The following BICD2 variants were observed in gnomAD, a reference collection of about 807,000 sequenced individuals.
BICD2 encodes the protein BICD cargo adaptor 2, also known as protein bicaudal D homolog 2.
A neutral mutation model predicts 72.9 loss-of-function variants in BICD2; 25 were observed. That is an observed-to-expected ratio of 0.34 (90% CI 0.25 to 0.48). The LOEUF (loss-of-function observed/expected upper bound fraction) is 0.48. Ranked by LOEUF, BICD2 falls within the 20% of genes least tolerant of loss-of-function variation. The pLI is 0.99. For missense variants in BICD2, 894 were observed against 1,175.2 expected, an observed-to-expected ratio of 0.76 and a Z score of 3.50; for synonymous variants, 501 against 516.1, an observed-to-expected ratio of 0.97 and a Z score of 0.40.
chr9:92,729,019 C>T lies in BICD2; in HGVS notation c.453+5G>A, dbSNP rs1853624977. ...CACAGACTAGGCCCCTCCTCACCCC[C>T]TCACCTCCTTCAGCTCCTGGGCCAC... On this transcript the variant is annotated splice_donor_5th_base_variant and intron_variant, in intron 2 of 6. Coordinates refer to ENST00000356884, the MANE Select transcript of BICD2 (RefSeq NM_001003800.2). 1 of 1,613,416 alleles carries T rather than the reference C, an allele frequency of 6.2e-7. No individual in the cohort carries two copies. The highest frequency in any genetic ancestry group is 1.3e-5 in the African/African-American group (1 of 74,922).
At chr9:92,733,733 C>T (rs1276446078) in intron 1 of BICD2, among the ~76,000 whole-genome samples, 2 of 151,968 alleles carry the variant, frequency 1.3e-5, no homozygotes, top group South Asian at 2.1e-4. Context: ...TTCGGGAGGC[C>T]GAGGCGGGCA....
chr9:92,751,339 C>T (rs893460502), intron 1 of BICD2, among the ~76,000 whole-genome samples: 2 of 151,860 alleles, frequency 1.3e-5, no homozygotes, highest in African/African-American at 2.4e-5. Flanking sequence ...TTAGTAGAGA[C>T]GGGTTTTCGT....
chr9:92,739,832 A>C (rs1056462773), intron 1 of BICD2, among the ~76,000 whole-genome samples: 5 of 152,140 alleles, frequency 3.3e-5, no homozygotes, highest in African/African-American at 7.2e-5. Context: ...AGGACAGGAG[A>C]GGACCTGGAG....
At chr9:92,718,086 G>C in intron 5 of BICD2, 138 bp from the exon 6 acceptor site, 1 of 1,081,912 alleles carries the variant, frequency 9.2e-7, no homozygotes, top group Non-Finnish European at 1.3e-6. Flanking sequence ...CCCTCCCTGT[G>C]ACAAACCCTG....
intron 1 of BICD2, among the ~76,000 whole-genome samples, chr9:92,751,397 G>A (rs1302367789): frequency 6.6e-6 from 1 of 152,066 alleles, no homozygotes; most frequent in African/African-American, 2.4e-5. Flanking sequence ...ATCCTCCTTG[G>A]CCTCCCAAAG....
Position 92,714,452 on chromosome 9 carries a change from T to C in BICD2, c.*702A>G, listed in dbSNP as rs954189104. On this transcript the variant is annotated 3_prime_UTR_variant, in exon 7 of 7. Coordinates refer to ENST00000356884, the MANE Select transcript of BICD2 (RefSeq NM_001003800.2). ...CAATCTGTCACCTCACAGGCCACTA[T>C]ACAAGCATCCTGATCTCAGAAATGA... The C allele has an allele frequency of 1.0e-6, 1 of 985,362 alleles. No individual in the cohort carries two copies. Among genetic ancestry groups the C allele is most frequent in the African/African-American group, 1.7e-5 (1 of 57,256 alleles). 61.0% of individuals were successfully genotyped at this position (985,362 alleles called of 1,614,324 possible). A position where few individuals can be genotyped will look rare whatever the true frequency, so the allele number is the denominator to read the frequency against.
chr9:92,722,744 C>T lies in BICD2; in HGVS notation c.518G>A (p.Arg173Gln), dbSNP rs774714446. The T allele has an allele frequency of 8.1e-6, 13 of 1,614,230 alleles. No individual in the cohort carries two copies. Among genetic ancestry groups the T allele is most frequent in the Admixed American group, 1.7e-5 (1 of 60,034 alleles). ...GTAGTCCTGCAGCAGACGAGCTTCC[C>T]GGAATTTGTACTCCTTGATGTCATC... ...LRDDIKEYKF[R>Q]EARLLQDYSE... The change falls in exon 3 of 7, where the codon CGG (arginine) becomes CAG (glutamine). Residue 173 changes from arginine (R) to glutamine (Q), a missense_variant. This residue lies in a region of BICD2 where 192 missense variants were observed against 243.6 expected (regional missense o/e 0.79). Coordinates refer to ENST00000356884, the MANE Select transcript of BICD2 (RefSeq NM_001003800.2).
rs1320479693 is a variant in BICD2 at position 92,714,843 on chromosome 9, G to A, written c.*311C>T. 5.4e-6 allele frequency: 6 copies of A among 1,110,800 alleles called. No homozygotes were observed. Among genetic ancestry groups the A allele is most frequent in the East Asian group, 5.6e-5 (1 of 17,808 alleles). The allele number at this position is 1,110,800 out of a possible 1,614,324, so 68.8% of individuals were successfully genotyped here. ...GGACTCCTCCCTTGGGTTTCCCCACGGGTGCGCAGGGCTTAGAAGATGCTT... is the reference window on the plus strand; with the variant it reads ...GGACTCCTCCCTTGGGTTTCCCCACAGGTGCGCAGGGCTTAGAAGATGCTT... On this transcript the variant is annotated 3_prime_UTR_variant, in exon 7 of 7. Coordinates refer to ENST00000356884, the MANE Select transcript of BICD2 (RefSeq NM_001003800.2).
intron 6 of BICD2, among the ~76,000 whole-genome samples, chr9:92,716,684 G>A (rs1853321037): frequency 6.6e-6 from 1 of 152,236 alleles, no homozygotes; most frequent in East Asian, 1.9e-4. Flanking sequence ...AGCAGGTGGC[G>A]CTACCCATCT....
intron 5 of BICD2, among the ~76,000 whole-genome samples, chr9:92,718,226 T>A (rs1853363624): frequency 6.6e-6 from 1 of 152,208 alleles, no homozygotes; most frequent in African/African-American, 2.4e-5. Context: ...CAGCTCAGAC[T>A]ATGGCTCTCA....
intron 1 of BICD2, among the ~76,000 whole-genome samples, chr9:92,747,170 C>A (rs961581123): frequency 6.6e-6 from 1 of 152,162 alleles, no homozygotes; most frequent in Non-Finnish European, 1.5e-5. Context: ...TGGTGGGTCC[C>A]CAGTAGGCCA....
At chr9:92,751,067 A>T (rs1189473736) in intron 1 of BICD2, among the ~76,000 whole-genome samples, 1 of 151,360 alleles carries the variant, frequency 6.6e-6, no homozygotes, top group Non-Finnish European at 1.5e-5. Context: ...CACACCACCA[A>T]GCCTGGCTAA....
chr9:92,723,238 T>C (rs937643557), intron 2 of BICD2, among the ~76,000 whole-genome samples: 16 of 152,190 alleles, frequency 1.1e-4, no homozygotes, highest in Non-Finnish European at 2.1e-4. Flanking sequence ...AATGTACACA[T>C]GCCCACACAG....
intron 2 of BICD2, 107 bp from the exon 3 acceptor site, chr9:92,722,915 G>A: frequency 7.1e-7 from 1 of 1,404,282 alleles, no homozygotes; most frequent in Non-Finnish European, 9.8e-7. Context: ...GAACTCAAGA[G>A]CCCTGGCCTG....
intron 1 of BICD2, among the ~76,000 whole-genome samples, chr9:92,741,727 C>G (rs781065287): frequency 2.6e-5 from 4 of 151,926 alleles, no homozygotes; most frequent in Non-Finnish European, 5.9e-5. Flanking sequence ...TTTGAGTTAC[C>G]CACTCTCCCC....
At chr9:92,755,357 A>C (rs1854234447) in intron 1 of BICD2, among the ~76,000 whole-genome samples, 1 of 152,160 alleles carries the variant, frequency 6.6e-6, no homozygotes, top group South Asian at 2.1e-4. Flanking sequence ...TGGTCCTGTG[A>C]TCTTGCCCTG....
At chr9:92,718,466 G>C in intron 5 of BICD2, 73 bp downstream of exon 5, 1 of 1,523,546 alleles carries the variant, frequency 6.6e-7, no homozygotes, top group Non-Finnish European at 8.8e-7. Flanking sequence ...GGCAGGGGGA[G>C]GAAGGAGGCC....
At position 92,722,745 on chromosome 9, in the gene BICD2, G is replaced by A. The variant is rs759594542; in HGVS notation, c.517C>T (p.Arg173Trp). The A allele has an allele frequency of 2.5e-6, 4 of 1,614,052 alleles. No homozygotes were observed. The highest frequency in any genetic ancestry group is 1.7e-6 in the Non-Finnish European group (2 of 1,180,048). ...TAGTCCTGCAGCAGACGAGCTTCCC[G>A]GAATTTGTACTCCTTGATGTCATCC... ...LRDDIKEYKF[R>W]EARLLQDYSE... is the part of the protein sequence containing the mutation. Residue 173 changes from arginine to tryptophan, a missense_variant, in exon 3 of 7, where the codon CGG becomes TGG. This residue lies in a region of BICD2 where 192 missense variants were observed against 243.6 expected (regional missense o/e 0.79). Transcript: ENST00000356884.
At chr9:92,736,799 C>G (rs1218896435) in intron 1 of BICD2, among the ~76,000 whole-genome samples, 4 of 152,176 alleles carry the variant, frequency 2.6e-5, no homozygotes, top group Non-Finnish European at 5.9e-5. Context: ...GACCGGAGCC[C>G]TGAACATGTT....
Sources: allele counts gnomAD v4.1 joint callset (sites outside exome capture counted in the v4.1 genomes callset), GRCh38; gene constraint gnomAD v4.1.1; regional missense constraint gnomAD v4.1.1; transcripts MANE v1.5; gene names NCBI Gene and HGNC (gene_info 2026-07-23, HGNC 2026-07-21).